The following ERC1 variants were observed in gnomAD, a reference collection of about 807,000 sequenced individuals.
ERC1 encodes ELKS/RAB6-interacting/CAST family member 1, also known as RAB6 interacting protein 2.
In ERC1, 56 loss-of-function variants were observed where a neutral mutation model predicts 132.0. The observed-to-expected ratio is 0.42, with a 90% CI of 0.34 to 0.53. The LOEUF is 0.53. ERC1 is among the 20% of genes least tolerant of loss of function. ERC1 has a pLI of 0.03. For synonymous variants in ERC1, 478 were observed against 476.1 expected (o/e 1.00, Z -0.05); for missense variants, 1,202 against 1,349.9 (o/e 0.89, Z 1.72).
At position 1,490,243 on chromosome 12, in the gene ERC1, G is replaced by A. The variant is rs1403836551; in HGVS notation, c.*13G>A. 1 of 1,612,410 alleles carries A rather than the reference G, an allele frequency of 6.2e-7. No individual in the cohort carries two copies. The highest frequency in any genetic ancestry group is 8.5e-7 in the Non-Finnish European group (1 of 1,179,068). On this transcript the variant is annotated 3_prime_UTR_variant, in exon 19 of 19. Transcript: ENST00000360905. ...AGAGTCCTCTTGACCCTGCTTTATG[G>A]GGAAGCCTGAGGTAGTCAACCCAGG...
chr12:1,315,728 AGAGAGAGAGAGAGC>A (rs1003595029), intron 15 of ERC1, among the ~76,000 whole-genome samples: 1 of 150,960 alleles, frequency 6.6e-6, no homozygotes, highest in African/African-American at 2.4e-5. Flanking sequence ...AGAGAAAGCC[AGAGAGAGAGAGAGC>A]GAGAGAGAGG....
At chr12:1,301,402 C>T (rs563187750) in intron 15 of ERC1, among the ~76,000 whole-genome samples, 1 of 152,228 alleles carries the variant, frequency 6.6e-6, no homozygotes, top group African/African-American at 2.4e-5. Context: ...ATAACAAAGA[C>T]ATGGAATCAA....
chr12:1,385,566 T>A (rs1196036205), intron 16 of ERC1, among the ~76,000 whole-genome samples: 1 of 152,202 alleles, frequency 6.6e-6, no homozygotes, highest in Non-Finnish European at 1.5e-5. Flanking sequence ...ATTCCAGGCG[T>A]GAGCCACCGC....
chr12:1,251,275 C>T (rs1403216827), intron 13 of ERC1, among the ~76,000 whole-genome samples: 1 of 152,014 alleles, frequency 6.6e-6, no homozygotes, highest in East Asian at 1.9e-4. Flanking sequence ...ATGCTGGATA[C>T]ATCTAATATA....
chr12:1,054,637 T>A (rs1440195173), intron 2 of ERC1, among the ~76,000 whole-genome samples: 2 of 152,126 alleles, frequency 1.3e-5, no homozygotes, highest in Non-Finnish European at 2.9e-5. Flanking sequence ...GGTTTCCCAA[T>A]GAGAGAAGGG....
rs1304817423 is a variant in ERC1, at chr12:1,491,248, G to A, written c.*1018G>A. On this transcript the variant is annotated 3_prime_UTR_variant, in exon 19 of 19. Transcript: ENST00000360905. ...CCGTGTCCTGAGCTCCTGCAGCCCA[G>A]TGGCTGCTGAAGTTGTGATCCCTCA... The A allele has an allele frequency of 2.2e-5, 5 of 231,288 alleles. No homozygotes were observed. Among genetic ancestry groups the A allele is most frequent in the African/African-American group, 1.1e-4 (5 of 45,246 alleles). The allele number at this position is 231,288 out of a possible 1,614,324, so 14.3% of individuals were successfully genotyped here.
intron 18 of ERC1, among the ~76,000 whole-genome samples, chr12:1,481,945 C>A (rs751084749): frequency 7.9e-5 from 12 of 152,138 alleles, no homozygotes; most frequent in Non-Finnish European, 1.8e-4. Context: ...GTTTTCTAAT[C>A]CTGCCCATAA....
At chr12:1,201,189 T>C (rs1223918480) in intron 12 of ERC1, among the ~76,000 whole-genome samples, 1 of 150,788 alleles carries the variant, frequency 6.6e-6, no homozygotes, top group African/African-American at 2.5e-5. Context: ...ATGCCATTTC[T>C]GACCTTGTTT....
chr12:1,129,006 T>C (rs990284680), intron 7 of ERC1, among the ~76,000 whole-genome samples: 4 of 152,172 alleles, frequency 2.6e-5, no homozygotes, highest in Non-Finnish European at 5.9e-5. Context: ...AACTTATATG[T>C]AGGAGTTTCA....
chr12:1,075,292 G>T (rs1351596679), intron 2 of ERC1, among the ~76,000 whole-genome samples: 2 of 151,926 alleles, frequency 1.3e-5, no homozygotes, highest in Non-Finnish European at 2.9e-5. Context: ...TGTTGACCAG[G>T]GGCCTGATAA....
chr12:1,240,826 A>G (rs1342714910), intron 13 of ERC1, among the ~76,000 whole-genome samples: 4 of 152,074 alleles, frequency 2.6e-5, no homozygotes, highest in African/African-American at 9.7e-5. Flanking sequence ...CTTATTTGTA[A>G]TACTAATATA....
chr12:1,489,112 C>T (rs2094288033), intron 18 of ERC1, among the ~76,000 whole-genome samples: 1 of 152,196 alleles, frequency 6.6e-6, no homozygotes, highest in African/African-American at 2.4e-5. Context: ...GTTTTCAGCT[C>T]CATTTCCTGT....
chr12:1,042,219 AGTAGAGACGGG>A (rs1970333334), intron 2 of ERC1, among the ~76,000 whole-genome samples: 1 of 151,724 alleles, frequency 6.6e-6, no homozygotes, highest in Non-Finnish European at 1.5e-5. Flanking sequence ...TTGTATTTTT[AGTAGAGACGGG>A]GTTTCACCGT....
In ERC1 at chr12:1,467,329, G is replaced by T. The variant is rs993048942; in HGVS notation, c.3213+22579G>T. Among the ~76,000 whole-genome samples, 12 of 152,004 alleles carry T rather than the reference G, an allele frequency of 7.9e-5. No homozygotes were observed. In the East Asian group the frequency reaches 1.9e-3, roughly 24 times the overall value. ...TTCTAAGTGCAAGTTTTCTAGGAAGGGCAGTGTGTTGTCAGTTTCTCCTTA... is the reference window on the plus strand; with the variant it reads ...TTCTAAGTGCAAGTTTTCTAGGAAGTGCAGTGTGTTGTCAGTTTCTCCTTA... On this transcript the variant is annotated intron_variant, in intron 18 of 18. Coordinates refer to ENST00000360905, the MANE Select transcript of ERC1 (RefSeq NM_178040.4).
intron 15 of ERC1, among the ~76,000 whole-genome samples, chr12:1,350,180 T>G (rs2084875617): frequency 6.6e-6 from 1 of 152,186 alleles, no homozygotes; most frequent in Admixed American, 6.5e-5. Flanking sequence ...TTCAGTTTAT[T>G]CTGTTGTTCT....
intron 17 of ERC1, among the ~76,000 whole-genome samples, chr12:1,416,247 TA>T (rs2092113475): frequency 1.3e-5 from 2 of 152,176 alleles, no homozygotes. Flanking sequence ...AGTTCACTGA[TA>T]AATGTGACTA....
At chr12:1,203,648 T>C (rs1453764948) in intron 12 of ERC1, among the ~76,000 whole-genome samples, 1 of 152,238 alleles carries the variant, frequency 6.6e-6, no homozygotes, top group East Asian at 1.9e-4. Context: ...ATGAAGCTAA[T>C]CCAGATGATA....
chr12:1,332,799 G>A (rs1321657989), intron 15 of ERC1, among the ~76,000 whole-genome samples: 2 of 152,152 alleles, frequency 1.3e-5, no homozygotes, highest in Non-Finnish European at 2.9e-5. Flanking sequence ...TACAGGTGGG[G>A]AAAATAATAA....
At chr12:1,130,744 T>G (rs201091832) in intron 7 of ERC1, among the ~76,000 whole-genome samples, 4 of 3,590 alleles carry the variant, frequency 1.1e-3, no homozygotes, top group Non-Finnish European at 2.8e-3. Flanking sequence ...CAGAGCACAA[T>G]TGCAGTTTGT....
Sources: gnomAD v4.1 joint callset for allele counts (sites outside exome capture counted in the v4.1 genomes callset) on GRCh38, gnomAD v4.1.1 for gene constraint, MANE v1.5 for transcripts, NCBI Gene and HGNC (gene_info 2026-07-23, HGNC 2026-07-21) for gene names.